The following SPOCK1 variants were observed in gnomAD, a reference collection of about 807,000 sequenced individuals.
The protein encoded by SPOCK1 is testican-1.
Under a neutral mutation model 55.3 loss-of-function variants are expected in SPOCK1, and 23 were observed. That is an observed-to-expected ratio of 0.42 (90% CI 0.30 to 0.59). SPOCK1 has a LOEUF of 0.59. Ranked by LOEUF, SPOCK1 falls within the 20% of genes least tolerant of loss-of-function variation. The probability of loss-of-function intolerance (pLI) is 0.22; values close to 1 mark genes in which losing one functional copy is unlikely to be tolerated. For missense variants in SPOCK1, 499 were observed against 552.5 expected, an observed-to-expected ratio of 0.90 and a Z score of 0.97; for synonymous variants, 226 against 221.0, an observed-to-expected ratio of 1.02 and a Z score of -0.20.
At chr5:137,459,989 T>C (rs1580939128) in intron 2 of SPOCK1, among the ~76,000 whole-genome samples, 1 of 152,120 alleles carries the variant, frequency 6.6e-6, no homozygotes, top group Admixed American at 6.5e-5. Flanking sequence ...ACATTGTGGG[T>C]AAACATGTAC....
intron 2 of SPOCK1, among the ~76,000 whole-genome samples, chr5:137,309,709 G>T (rs1757757922): frequency 6.6e-6 from 1 of 152,078 alleles, no homozygotes; most frequent in Admixed American, 6.6e-5. Flanking sequence ...TTCTATGTGT[G>T]CAGATTACTT....
At chr5:137,190,954 C>T (rs1406899549) in intron 3 of SPOCK1, among the ~76,000 whole-genome samples, 1 of 152,184 alleles carries the variant, frequency 6.6e-6, no homozygotes, top group African/African-American at 2.4e-5. Context: ...GTTTCAGAGC[C>T]TTAGGAAATA....
intron 2 of SPOCK1, among the ~76,000 whole-genome samples, chr5:137,341,645 T>G (rs1234576): frequency 0.21 from 31,652 of 152,142 alleles, 3,345 homozygotes; most frequent in East Asian, 0.26. Flanking sequence ...AGCTTCTGTG[T>G]GTCAGGCACT....
intron 5 of SPOCK1, among the ~76,000 whole-genome samples, chr5:137,100,030 C>G (rs1040189423): frequency 1.3e-5 from 2 of 152,220 alleles, no homozygotes; most frequent in South Asian, 4.1e-4. Flanking sequence ...ACTAGGAGTT[C>G]GGTATCAGAG....
intron 3 of SPOCK1, among the ~76,000 whole-genome samples, chr5:137,260,270 T>C (rs747047982): frequency 1.1e-4 from 17 of 151,976 alleles, no homozygotes; most frequent in Non-Finnish European, 1.5e-5. Flanking sequence ...GCAGCCCCAA[T>C]AGCAAAACAG....
At chr5:137,076,578 A>G (rs1752765741) in intron 5 of SPOCK1, among the ~76,000 whole-genome samples, 1 of 149,108 alleles carries the variant, frequency 6.7e-6, no homozygotes, top group Non-Finnish European at 1.5e-5. Context: ...AGGATATCTC[A>G]TGTAATTTAT....
chr5:137,005,422 C>A (rs748828325), intron 6 of SPOCK1, among the ~76,000 whole-genome samples: 4 of 151,116 alleles, frequency 2.6e-5, no homozygotes, highest in African/African-American at 9.7e-5. Flanking sequence ...AGGAAAAGAG[C>A]AAAACTTACC....
rs11364379 is a variant in SPOCK1 at position 136,983,619 on chromosome 5, C to CAAAAAAAAAA, written c.991+1511_991+1520dup. Among the ~76,000 whole-genome samples the CAAAAAAAAAA allele has an allele frequency of 3.4e-3, 458 of 135,094 alleles. 3 individuals are homozygous for CAAAAAAAAAA. Among genetic ancestry groups the CAAAAAAAAAA allele is most frequent in the African/African-American group, 4.3e-3 (164 of 38,288 alleles). 88.6% of individuals were successfully genotyped at this position (135,094 alleles called of 152,430 possible). A position where few individuals can be genotyped will look rare whatever the true frequency, so the allele number is the denominator to read the frequency against. ...GTAGAGAGCTGGCTCCTCCTTGGAC[C>CAAAAAAAAAA]AAAAAAAAAAAAAAAATGGGCTGAG... On this transcript the variant is annotated intron_variant, in intron 9 of 10. Coordinates refer to ENST00000394945, the MANE Select transcript of SPOCK1 (RefSeq NM_004598.4).
At chr5:137,056,729 T>C (rs1317497369) in intron 6 of SPOCK1, among the ~76,000 whole-genome samples, 3 of 152,066 alleles carry the variant, frequency 2.0e-5, no homozygotes, top group Non-Finnish European at 4.4e-5. Context: ...CTTCCACACA[T>C]GACTTGGTGG....
rs149843434 is a variant in SPOCK1, at chr5:137,447,383, G to A, written c.186+50990C>T. ...GAGACCATGACCTAGTCACAGGGAT[G>A]TAGCTGTTCCCCAAACCAGTGGTCC... is the stretch of plus-strand genomic sequence containing the variant. On this transcript the variant is annotated intron_variant, in intron 2 of 10. Transcript: ENST00000394945. Among the ~76,000 whole-genome samples, 656 of 152,306 alleles carry A rather than the reference G, an allele frequency of 4.3e-3. 7 individuals carry two copies. Among genetic ancestry groups the A allele is most frequent in the African/African-American group, 0.015 (625 of 41,564 alleles).
At chr5:137,201,393 T>A (rs1331877092) in intron 3 of SPOCK1, among the ~76,000 whole-genome samples, 3 of 152,194 alleles carry the variant, frequency 2.0e-5, no homozygotes, top group African/African-American at 7.2e-5. Flanking sequence ...AAATACCCAT[T>A]CTCATCACTT....
rs1275342675 is a variant in SPOCK1, at chr5:137,302,072, AAT to A, written c.187-35019_187-35018del. Among the ~76,000 whole-genome samples, 3 of 152,212 alleles carry A rather than the reference AAT, an allele frequency of 2.0e-5. No individual in the cohort carries two copies. The East Asian group carries it at 5.8e-4, about 29-fold the overall frequency. On this transcript the variant is annotated intron_variant, in intron 2 of 10. Transcript: ENST00000394945. ...AAACAGCCTGAACTTACTGCCAAAT[AAT>A]ATTGCAGAACCTATAAACAGTTGTC...
chr5:137,074,988 T>C (rs940805266), intron 5 of SPOCK1, among the ~76,000 whole-genome samples: 9 of 151,538 alleles, frequency 5.9e-5, no homozygotes, highest in Non-Finnish European at 2.9e-5. Context: ...CAGGCGTGAG[T>C]CACCGCGCCC....
chr5:137,040,044 A>C (rs544510344), intron 6 of SPOCK1, among the ~76,000 whole-genome samples: 2 of 152,358 alleles, frequency 1.3e-5, no homozygotes, highest in African/African-American at 4.8e-5. Context: ...GCTGTCATGC[A>C]CAGCCAGATT....
At chr5:137,412,707 T>C (rs781647550) in intron 2 of SPOCK1, among the ~76,000 whole-genome samples, 1 of 152,208 alleles carries the variant, frequency 6.6e-6, no homozygotes. Flanking sequence ...AGTCTTCACC[T>C]GGGCCTGTGA....
At chr5:137,474,744 TC>T (rs569799125) in intron 2 of SPOCK1, among the ~76,000 whole-genome samples, 95 of 152,148 alleles carry the variant, frequency 6.2e-4, no homozygotes, top group Non-Finnish European at 1.1e-3. Context: ...CACAGTGATG[TC>T]CATGACAACA....
chr5:137,125,149 A>G (rs1369571270), intron 4 of SPOCK1, among the ~76,000 whole-genome samples: 1 of 152,202 alleles, frequency 6.6e-6, no homozygotes, highest in African/African-American at 2.4e-5. Context: ...CATTAAGTGC[A>G]CCAGCTTGGC....
intron 3 of SPOCK1, among the ~76,000 whole-genome samples, chr5:137,147,495 G>A (rs984634595): frequency 6.6e-6 from 1 of 152,192 alleles, no homozygotes; most frequent in Non-Finnish European, 1.5e-5. Flanking sequence ...GTAAGGTGAG[G>A]TTCTAGGAGG....
chr5:137,349,815 A>G (rs1750637063), intron 2 of SPOCK1, among the ~76,000 whole-genome samples: 1 of 151,950 alleles, frequency 6.6e-6, no homozygotes, highest in Non-Finnish European at 1.5e-5. Context: ...CCCTTTTCAT[A>G]AGGACACCAG....
Sources: gnomAD v4.1 joint callset for allele counts (sites outside exome capture counted in the v4.1 genomes callset) on GRCh38, gnomAD v4.1.1 for gene constraint, MANE v1.5 for transcripts, NCBI Gene and HGNC (gene_info 2026-07-23, HGNC 2026-07-21) for gene names.